The following KDM3A variants were observed in gnomAD, a reference collection of about 807,000 sequenced individuals.
The protein encoded by KDM3A is lysine demethylase 3A.
KDM3A carries 60 observed loss-of-function variants against 158.0 expected under a neutral mutation model. That is an observed-to-expected ratio of 0.38 (90% CI 0.31 to 0.47). KDM3A has a LOEUF of 0.47. Ranked by LOEUF, KDM3A falls within the 20% of genes least tolerant of loss-of-function variation. The pLI, the probability that KDM3A is intolerant of heterozygous loss-of-function variation, is 0.99. For synonymous variants in KDM3A, 608 were observed against 549.3 expected, an observed-to-expected ratio of 1.11 and a Z score of -1.49; for missense variants, 1,319 against 1,574.3, an observed-to-expected ratio of 0.84 and a Z score of 2.74.
intron 2 of KDM3A, among the ~76,000 whole-genome samples, chr2:86,447,275 T>C (rs1418930579): frequency 1.3e-5 from 2 of 151,692 alleles, no homozygotes; most frequent in East Asian, 3.8e-4. Context: ...TAAATTGTTT[T>C]TAAGGAGGTA....
intron 15 of KDM3A, 60 bp downstream of exon 15, chr2:86,478,795 A>C: frequency 6.5e-7 from 1 of 1,547,908 alleles, no homozygotes; most frequent in Non-Finnish European, 8.9e-7. Flanking sequence ...CTGTTTTTCA[A>C]ATAACCCAAG....
intron 19 of KDM3A, among the ~76,000 whole-genome samples, chr2:86,484,454 A>G (rs1021806001): frequency 1.3e-5 from 2 of 152,202 alleles, no homozygotes; most frequent in Admixed American, 1.3e-4. Context: ...AAATGGGTTT[A>G]CTAAACACCT....
chr2:86,450,805 T>C (rs140571971), intron 3 of KDM3A, among the ~76,000 whole-genome samples: 5 of 152,278 alleles, frequency 3.3e-5, no homozygotes, highest in African/African-American at 1.2e-4. Flanking sequence ...CACAGGCCTG[T>C]CTCCCCAGAG....
At chr2:86,446,614 G>A (rs954785037) in intron 2 of KDM3A, among the ~76,000 whole-genome samples, 3 of 152,152 alleles carry the variant, frequency 2.0e-5, no homozygotes, top group Non-Finnish European at 2.9e-5. Flanking sequence ...GGAGTCTGAG[G>A]CACGAGAATC....
intron 9 of KDM3A, 56 bp downstream of exon 9, chr2:86,464,272 C>T (rs1214633839): frequency 1.2e-5 from 15 of 1,254,994 alleles, no homozygotes; most frequent in Non-Finnish European, 1.6e-5. Flanking sequence ...TTATTTTAGT[C>T]ATGGCTCATT....
chr2:86,456,422 T>TC lies in KDM3A; in HGVS notation c.557-20_557-19insC, dbSNP rs1461626294. ...TAATGCAAATTGCTCTAAGATTTTT[T>TC]TTTTTTTTTTTTTTTTAAGGTGACA... On this transcript the variant is annotated intron_variant, in intron 5 of 25. Coordinates refer to ENST00000312912, the MANE Select transcript of KDM3A (RefSeq NM_018433.6). The TC allele has an allele frequency of 1.4e-6, 2 of 1,403,978 alleles. No individual in the cohort carries two copies. The highest frequency in any genetic ancestry group is 2.7e-5 in the East Asian group (1 of 37,362). 87.0% of individuals were successfully genotyped at this position (1,403,978 alleles called of 1,614,324 possible). A position where few individuals can be genotyped will look rare whatever the true frequency, so the allele number is the denominator to read the frequency against.
At chr2:86,471,860 G>A (rs1277508722) in intron 11 of KDM3A, among the ~76,000 whole-genome samples, 1 of 152,064 alleles carries the variant, frequency 6.6e-6, no homozygotes, top group Non-Finnish European at 1.5e-5. Context: ...TCTGAATAAC[G>A]CCTGGCCCAG....
intron 11 of KDM3A, among the ~76,000 whole-genome samples, chr2:86,473,803 A>G (rs1333172009): frequency 6.6e-6 from 1 of 152,244 alleles, no homozygotes; most frequent in African/African-American, 2.4e-5. Context: ...TACATAGCTT[A>G]TGAAAAGAAC....
At chr2:86,455,454 T>A (rs545578417) in intron 5 of KDM3A, among the ~76,000 whole-genome samples, 1 of 152,064 alleles carries the variant, frequency 6.6e-6, no homozygotes, top group South Asian at 2.1e-4. Flanking sequence ...GATTTCACTA[T>A]TTCACCATGT....
chr2:86,485,450 CAAT>C (rs1259543304), intron 20 of KDM3A, among the ~76,000 whole-genome samples: 7 of 152,306 alleles, frequency 4.6e-5, no homozygotes, highest in African/African-American at 1.4e-4. Context: ...CACAACTAAT[CAAT>C]GATATATCTC....
intron 17 of KDM3A, 125 bp from the exon 18 acceptor site, chr2:86,482,333 C>T (rs1673972462): frequency 6.8e-7 from 1 of 1,478,400 alleles, no homozygotes; most frequent in African/African-American, 1.4e-5. Context: ...AGGGGACGTA[C>T]CTTTTTGCCT....
At chr2:86,451,940 C>A (rs899520269) in intron 4 of KDM3A, among the ~76,000 whole-genome samples, 1 of 152,178 alleles carries the variant, frequency 6.6e-6, no homozygotes, top group African/African-American at 2.4e-5. Context: ...TACATATATA[C>A]AAGCAATCCT....
intron 1 of KDM3A, 114 bp from the exon 2 acceptor site, chr2:86,441,904 C>T (rs1252148191): frequency 5.2e-6 from 4 of 772,326 alleles, no homozygotes; most frequent in Admixed American, 6.0e-5. Context: ...GCGGGTCCGC[C>T]CGGGGCCGCG....
chr2:86,460,702 C>T (rs1420088041), intron 8 of KDM3A: 2 of 152,226 alleles, frequency 1.3e-5, no homozygotes, highest in Admixed American at 6.5e-5. Context: ...AAAGAGTCTG[C>T]TGAGGAATGT....
At chr2:86,448,655 G>T (rs1255101766) in intron 2 of KDM3A, among the ~76,000 whole-genome samples, 27 of 152,130 alleles carry the variant, frequency 1.8e-4, no homozygotes, top group Non-Finnish European at 5.9e-5. Flanking sequence ...GATAGATGAA[G>T]TTAACTAGTT....
At chr2:86,445,851 C>A (rs1160140176) in intron 2 of KDM3A, among the ~76,000 whole-genome samples, 1 of 152,220 alleles carries the variant, frequency 6.6e-6, no homozygotes, top group African/African-American at 2.4e-5. Flanking sequence ...TAAGTGGAAG[C>A]ACAAGGAATT....
chr2:86,454,995 T>C, intron 4 of KDM3A, 90 bp from the exon 5 acceptor site: 1 of 707,840 alleles, frequency 1.4e-6, no homozygotes, highest in Non-Finnish European at 2.3e-6. Flanking sequence ...TTAACCCATT[T>C]GATTAACCAA....
rs778416312 is a variant in KDM3A, at chr2:86,466,828, A to T, written c.1464A>T (p.Ser488=). Reference sequence around the variant, plus strand: ...GATCACAGAATTTAAAGGAATCTTCAGTAAAAGTAGATAATGAAAGCTGTT... The same window carrying T: ...GATCACAGAATTTAAAGGAATCTTCTGTAAAAGTAGATAATGAAAGCTGTT... ...ACRSQNLKES[S]VKVDNESCCS... is the part of the protein sequence containing the mutation. Residue 488 remains serine, a synonymous_variant, in exon 10 of 26, where the codon TCA becomes TCT. Coordinates refer to ENST00000312912, the MANE Select transcript of KDM3A (RefSeq NM_018433.6). 8.7e-6 allele frequency: 14 copies of T among 1,611,872 alleles called. No individual in the cohort carries two copies. Among genetic ancestry groups the T allele is most frequent in the Non-Finnish European group, 1.2e-5 (14 of 1,179,048 alleles).
At chr2:86,461,123 T>A (rs907198191) in intron 8 of KDM3A, among the ~76,000 whole-genome samples, 1 of 152,122 alleles carries the variant, frequency 6.6e-6, no homozygotes, top group African/African-American at 2.4e-5. Context: ...TAAAGTATAC[T>A]TCATGGGAAG....
Sources: gnomAD v4.1 joint callset for allele counts (sites outside exome capture counted in the v4.1 genomes callset) on GRCh38, gnomAD v4.1.1 for gene constraint, MANE v1.5 for transcripts, NCBI Gene and HGNC (gene_info 2026-07-23, HGNC 2026-07-21) for gene names.